VAT1L: variants seen among roughly 807,000 people sequenced by gnomAD.
VAT1L encodes the protein putative NADPH-dependent quinone oxidoreductase VAT1L.
In VAT1L, 34 loss-of-function variants were observed where a neutral mutation model predicts 44.1. That is an observed-to-expected ratio of 0.77 (90% confidence interval 0.59 to 1.03). VAT1L has a LOEUF of 1.03. VAT1L is among the 50% of genes least tolerant of loss of function. The pLI is 0.00. For synonymous variants in VAT1L, 253 were observed against 202.2 expected (o/e 1.25, Z -2.13); for missense variants, 615 against 538.8 (o/e 1.14, Z -1.40).
At chr16:77,925,464 C>T (rs964159755) in intron 7 of VAT1L, among the ~76,000 whole-genome samples, 7 of 152,116 alleles carry the variant, frequency 4.6e-5, no homozygotes, top group East Asian at 1.9e-4. Context: ...AGGGTTGTTT[C>T]GGGGTATTAA....
At position 77,939,351 on chromosome 16, in the gene VAT1L, T is replaced by C. The variant is rs538137233; in HGVS notation, c.1078-32499T>C. ...CATGTTTTTTCCAGCTAGGCATCAG[T>C]GGTGTTATATCATAGCTCAAACCAG... On this transcript the variant is annotated intron_variant, in intron 7 of 8. Coordinates refer to ENST00000302536, the MANE Select transcript of VAT1L (RefSeq NM_020927.3). 5.1e-4 allele frequency among the ~76,000 whole-genome samples: 78 copies of C among 151,984 alleles called. 1 individual carries two copies. In the South Asian group the frequency reaches 0.014, roughly 28 times the overall value.
intron 1 of VAT1L, among the ~76,000 whole-genome samples, chr16:77,790,256 G>T (rs1025498705): frequency 1.3e-5 from 2 of 152,180 alleles, no homozygotes; most frequent in Non-Finnish European, 2.9e-5. Flanking sequence ...AACACGACTC[G>T]TGAGTCTCTG....
At chr16:77,932,636 G>T (rs1021073908) in intron 7 of VAT1L, among the ~76,000 whole-genome samples, 2 of 152,154 alleles carry the variant, frequency 1.3e-5, no homozygotes, top group African/African-American at 4.8e-5. Flanking sequence ...AGAAAAGCAG[G>T]ACAGTCCTTT....
intron 2 of VAT1L, among the ~76,000 whole-genome samples, chr16:77,818,374 G>A (rs1401475035): frequency 1.3e-5 from 2 of 151,290 alleles, no homozygotes; most frequent in African/African-American, 4.8e-5. Flanking sequence ...TAAATGTTGA[G>A]AAAGAGGCAG....
intron 1 of VAT1L, among the ~76,000 whole-genome samples, chr16:77,805,458 TCTG>T (rs1308728432): frequency 6.6e-6 from 1 of 152,228 alleles, no homozygotes; most frequent in Non-Finnish European, 1.5e-5. Flanking sequence ...TAATCAAACA[TCTG>T]CTTCTTTGAC....
At chr16:77,941,539 T>C (rs1358668014) in intron 7 of VAT1L, among the ~76,000 whole-genome samples, 7 of 152,188 alleles carry the variant, frequency 4.6e-5, no homozygotes, top group African/African-American at 1.7e-4. Flanking sequence ...TACACAGTAA[T>C]GGGACTGCTG....
At chr16:77,969,958 A>AT (rs1256417373) in intron 7 of VAT1L, among the ~76,000 whole-genome samples, 8 of 149,770 alleles carry the variant, frequency 5.3e-5, no homozygotes, top group African/African-American at 2.0e-4. Flanking sequence ...CATGCCTGTC[A>AT]TCTCAGCACT....
intron 7 of VAT1L, among the ~76,000 whole-genome samples, chr16:77,888,901 C>T (rs1224244593): frequency 6.6e-6 from 1 of 152,234 alleles, no homozygotes; most frequent in East Asian, 1.9e-4. Context: ...ACAGCTGTAG[C>T]CTGTTTGCCA....
At chr16:77,910,339 T>G (rs187934529) in intron 7 of VAT1L, among the ~76,000 whole-genome samples, 1 of 152,204 alleles carries the variant, frequency 6.6e-6, no homozygotes, top group Non-Finnish European at 1.5e-5. Flanking sequence ...ACATGAATCC[T>G]AGTAGTTTGG....
intron 3 of VAT1L, among the ~76,000 whole-genome samples, chr16:77,852,705 G>A (rs1367059147): frequency 6.6e-6 from 1 of 152,188 alleles, no homozygotes; most frequent in Admixed American, 6.5e-5. Context: ...AACTTACCAG[G>A]AAGAGGTGGT....
intron 7 of VAT1L, among the ~76,000 whole-genome samples, chr16:77,899,269 G>C (rs1268976825): frequency 2.6e-5 from 4 of 152,212 alleles, no homozygotes; most frequent in African/African-American, 7.2e-5. Flanking sequence ...TCCTGAAGCT[G>C]TGCTTGTCAC....
At chr16:77,914,848 G>A (rs945149048) in intron 7 of VAT1L, among the ~76,000 whole-genome samples, 25 of 152,296 alleles carry the variant, frequency 1.6e-4, no homozygotes, top group African/African-American at 2.9e-4. Context: ...TTGATGGGCC[G>A]GACACGGTGG....
chr16:77,789,793 A>G (rs923079498), intron 1 of VAT1L, among the ~76,000 whole-genome samples: 5 of 151,828 alleles, frequency 3.3e-5, no homozygotes, highest in East Asian at 1.9e-4. Flanking sequence ...CCCTGGGGGA[A>G]CTTCTCCAGG....
chr16:77,954,475 A>C (rs1455654430), intron 7 of VAT1L, among the ~76,000 whole-genome samples: 1 of 152,112 alleles, frequency 6.6e-6, no homozygotes, highest in Non-Finnish European at 1.5e-5. Flanking sequence ...AACTATAAAA[A>C]TTAGCCGGGT....
At chr16:77,932,260 C>T (rs1351288656) in intron 7 of VAT1L, among the ~76,000 whole-genome samples, 1 of 151,912 alleles carries the variant, frequency 6.6e-6, no homozygotes, top group African/African-American at 2.4e-5. Context: ...CCCGCCACCA[C>T]AGCTGGCTAA....
chr16:77,897,873 T>A (rs2017340697), intron 7 of VAT1L, among the ~76,000 whole-genome samples: 1 of 152,204 alleles, frequency 6.6e-6, no homozygotes, highest in Non-Finnish European at 1.5e-5. Context: ...TAGGAACAGC[T>A]GACTTTATTT....
chr16:77,868,065 C>A (rs1423005892), intron 4 of VAT1L, among the ~76,000 whole-genome samples: 3 of 152,160 alleles, frequency 2.0e-5, no homozygotes, highest in Non-Finnish European at 4.4e-5. Context: ...ATACACCTAA[C>A]CTACTGAATG....
At chr16:77,973,545 A>T (rs927195914) in intron 8 of VAT1L, among the ~76,000 whole-genome samples, 4 of 151,698 alleles carry the variant, frequency 2.6e-5, no homozygotes, top group Non-Finnish European at 5.9e-5. Flanking sequence ...AGCCTCCCAA[A>T]GTGTTGGGAT....
chr16:77,974,173 C>A (rs1235622799), intron 8 of VAT1L, among the ~76,000 whole-genome samples: 24 of 152,110 alleles, frequency 1.6e-4, no homozygotes, highest in Admixed American at 1.5e-3. Context: ...TAAATACTTA[C>A]TAAGTTCCAG....
Sources: allele counts gnomAD v4.1 joint callset (sites outside exome capture counted in the v4.1 genomes callset), GRCh38; gene constraint gnomAD v4.1.1; transcripts MANE v1.5; gene names NCBI Gene and HGNC (gene_info 2026-07-23, HGNC 2026-07-21).